Variants in ME3 observed in about 807,000 individuals in gnomAD.
ME3 encodes malic enzyme 3.
Under a neutral mutation model 68.9 loss-of-function variants are expected in ME3, and 48 were observed. The ratio of observed to expected loss-of-function variants is 0.70; its 90% CI spans 0.55 to 0.89. The LOEUF is 0.89. Ranked by LOEUF, ME3 falls within the 40% of genes least tolerant of loss-of-function variation. The pLI is 0.00. For synonymous variants in ME3, 320 were observed against 318.8 expected (o/e 1.00, Z -0.04); for missense variants, 675 against 797.4 (o/e 0.85, Z 1.85).
At chr11:86,576,083 G>C (rs939037351) in intron 2 of ME3, among the ~76,000 whole-genome samples, 10 of 152,222 alleles carry the variant, frequency 6.6e-5, no homozygotes, top group Non-Finnish European at 1.0e-4. Context: ...GCTGATTTAT[G>C]AGGATTATAT....
chr11:86,525,135 C>T (rs773527423), intron 4 of ME3, among the ~76,000 whole-genome samples: 3 of 152,162 alleles, frequency 2.0e-5, no homozygotes, highest in Non-Finnish European at 4.4e-5. Context: ...AATTCTAGGT[C>T]ATCTGGTTAG....
chr11:86,662,512 A>G lies in ME3; in HGVS notation c.183+9250T>C, dbSNP rs137871074. Among the ~76,000 whole-genome samples, 597 of 152,166 alleles carry G rather than the reference A, an allele frequency of 3.9e-3. 6 individuals are homozygous for G. Among genetic ancestry groups the G allele is most frequent in the African/African-American group, 0.011 (474 of 41,506 alleles). On this transcript the variant is annotated intron_variant, in intron 2 of 14. Transcript: ENST00000543262. ...CTTGGGTGGCTGAGGTGGGAGGATC[A>G]CTTGAGCCCAAGAGTTCAAGGCTGC...
At chr11:86,597,034 C>T (rs56672587) in intron 2 of ME3, among the ~76,000 whole-genome samples, 12,383 of 152,202 alleles carry the variant, frequency 0.081, 707 homozygotes, top group East Asian at 0.17. Context: ...GACAGAGGCC[C>T]TGGTTAGACA....
chr11:86,572,076 G>T (rs1362924877), intron 2 of ME3, among the ~76,000 whole-genome samples: 1 of 152,170 alleles, frequency 6.6e-6, no homozygotes, highest in African/African-American at 2.4e-5. Flanking sequence ...CAAGGAGCAG[G>T]AATTCCTATA....
intron 4 of ME3, among the ~76,000 whole-genome samples, chr11:86,520,920 G>A (rs1394159794): frequency 6.6e-6 from 1 of 152,172 alleles, no homozygotes; most frequent in Non-Finnish European, 1.5e-5. Flanking sequence ...GATGAAGAAG[G>A]TAGAACAGAT....
intron 2 of ME3, among the ~76,000 whole-genome samples, chr11:86,578,270 A>G (rs182040014): frequency 2.0e-5 from 3 of 152,246 alleles, no homozygotes; most frequent in Non-Finnish European, 4.4e-5. Flanking sequence ...ACTGCAACAA[A>G]GTAATAGCAG....
chr11:86,577,462 GTCGGGGGCCTCT>G (rs1317581989), intron 2 of ME3, among the ~76,000 whole-genome samples: 1 of 152,180 alleles, frequency 6.6e-6, no homozygotes, highest in Non-Finnish European at 1.5e-5. Flanking sequence ...TTCAACAAAT[GTCGGGGGCCTCT>G]TCTGTTCTGG....
chr11:86,617,283 C>A (rs1472313867), intron 2 of ME3, among the ~76,000 whole-genome samples: 1 of 151,598 alleles, frequency 6.6e-6, no homozygotes, highest in African/African-American at 2.4e-5. Context: ...ATTCCTGGCA[C>A]AAGGTAAGCA....
intron 4 of ME3, among the ~76,000 whole-genome samples, chr11:86,524,488 C>T (rs1954579334): frequency 6.6e-6 from 1 of 152,134 alleles, no homozygotes; most frequent in Admixed American, 6.5e-5. Context: ...TGAAGATACA[C>T]CAAGATAATA....
At chr11:86,537,414 T>C (rs865966167) in intron 4 of ME3, among the ~76,000 whole-genome samples, 2 of 152,014 alleles carry the variant, frequency 1.3e-5, no homozygotes, top group South Asian at 4.1e-4. Flanking sequence ...CTGTGCACAA[T>C]GGAGAGGAGT....
intron 8 of ME3, among the ~76,000 whole-genome samples, chr11:86,451,843 A>C (rs1949648989): frequency 6.6e-6 from 1 of 152,232 alleles, no homozygotes; most frequent in Non-Finnish European, 1.5e-5. Flanking sequence ...TCACAGTAAA[A>C]GATGGGCAGC....
chr11:86,469,583 G>A (rs117569332), intron 7 of ME3, among the ~76,000 whole-genome samples: 325 of 152,288 alleles, frequency 2.1e-3, no homozygotes, highest in Middle Eastern at 6.8e-3. Flanking sequence ...CCCACTTACC[G>A]GGGAGGCTTC....
downstream of ME3, chr11:86,437,418 GTTC>G (rs1469840154): frequency 6.6e-6 from 1 of 152,002 alleles, no homozygotes; most frequent in Non-Finnish European, 1.5e-5. Context: ...AGGGCACTTT[GTTC>G]TTCTTTATAA....
At chr11:86,513,842 T>A (rs1369162046) in intron 4 of ME3, among the ~76,000 whole-genome samples, 3 of 152,118 alleles carry the variant, frequency 2.0e-5, no homozygotes, top group Admixed American at 2.0e-4. Context: ...CTCAGCAATG[T>A]ATTTACAGAT....
chr11:86,529,412 G>T (rs959411868), intron 4 of ME3, among the ~76,000 whole-genome samples: 12 of 152,098 alleles, frequency 7.9e-5, no homozygotes, highest in Non-Finnish European at 1.8e-4. Flanking sequence ...ATTCACAGCC[G>T]AATTCTACCA....
At chr11:86,528,680 C>T (rs1242638231) in intron 4 of ME3, among the ~76,000 whole-genome samples, 14 of 151,786 alleles carry the variant, frequency 9.2e-5, no homozygotes, top group Non-Finnish European at 1.8e-4. Flanking sequence ...TGCAATCAAA[C>T]TAGAACTCAG....
intron 4 of ME3, 67 bp downstream of exon 4, chr11:86,556,486 G>T: frequency 6.5e-7 from 1 of 1,536,730 alleles, no homozygotes; most frequent in Non-Finnish European, 8.8e-7. Flanking sequence ...ATGCATGAAG[G>T]GCGGAAAGAA....
rs1456619213 is a variant in ME3, at chr11:86,534,050, A to T, written c.467+22503T>A. 2.0e-5 allele frequency among the ~76,000 whole-genome samples: 3 copies of T among 148,968 alleles called. No individual in the cohort carries two copies. In the East Asian group the frequency reaches 6.0e-4, roughly 30 times the overall value. On this transcript the variant is annotated intron_variant, in intron 4 of 14. Transcript: ENST00000543262. Reference sequence around the variant, plus strand: ...TATCTGAACACCCAAACATTAAAAAAGTATGGTAAAAATGAGGTGTGTGTG... The same window carrying T: ...TATCTGAACACCCAAACATTAAAAATGTATGGTAAAAATGAGGTGTGTGTG...
intron 2 of ME3, among the ~76,000 whole-genome samples, chr11:86,577,299 T>C (rs1027665832): frequency 4.6e-5 from 7 of 152,166 alleles, no homozygotes; most frequent in Middle Eastern, 6.8e-3. Context: ...TGCACACACC[T>C]CCTAGGGTCC....
Sources: allele counts gnomAD v4.1 joint callset (sites outside exome capture counted in the v4.1 genomes callset), GRCh38; gene constraint gnomAD v4.1.1; transcripts MANE v1.5; gene names NCBI Gene and HGNC (gene_info 2026-07-23, HGNC 2026-07-21).